Variants in VPS37A observed in about 807,000 individuals in gnomAD.
VPS37A encodes the protein VPS37A subunit of ESCRT-I, also known as vacuolar protein sorting-associated protein 37A.
VPS37A carries 30 observed loss-of-function variants against 49.8 expected under a neutral mutation model. The ratio of observed to expected loss-of-function variants is 0.60; its 90% CI spans 0.45 to 0.82. VPS37A has a LOEUF of 0.82. Among genes scored for constraint, VPS37A ranks in the 40% least tolerant of loss-of-function variants. The pLI, the probability that VPS37A is intolerant of heterozygous loss-of-function variation, is 0.00. For synonymous variants in VPS37A, 195 were observed against 160.6 expected, an observed-to-expected ratio of 1.21 and a Z score of -1.62; for missense variants, 593 against 464.4, an observed-to-expected ratio of 1.28 and a Z score of -2.55.
downstream of VPS37A, among the ~76,000 whole-genome samples, chr8:17,303,854 C>A (rs998945135): frequency 3.3e-5 from 5 of 152,152 alleles, no homozygotes; most frequent in Non-Finnish European, 7.3e-5. Flanking sequence ...GGGTGATCCA[C>A]CCGCCTCGGC....
chr8:17,258,416 G>T (rs1481707495), intron 1 of VPS37A, among the ~76,000 whole-genome samples: 4 of 151,914 alleles, frequency 2.6e-5, no homozygotes, highest in Admixed American at 2.6e-4. Flanking sequence ...TTTGTTCTTG[G>T]TTCTCTTAAT....
rs17687369 is a variant in VPS37A, at chr8:17,267,827, G to A, written c.201-431G>A. Among the ~76,000 whole-genome samples the A allele has an allele frequency of 8.6e-4, 131 of 152,168 alleles. No homozygotes were observed. The East Asian group carries it at 0.023, about 26-fold the overall frequency. ...CAGGCATGCACCACCATGCCCAGCC[G>A]TGACAGCATTCTCAAAGTAGAAAAA... On this transcript the variant is annotated intron_variant, in intron 2 of 11. Coordinates refer to ENST00000324849, the MANE Select transcript of VPS37A (RefSeq NM_152415.3).
downstream of VPS37A, among the ~76,000 whole-genome samples, chr8:17,307,078 A>G (rs1487987704): frequency 6.6e-6 from 1 of 152,228 alleles, no homozygotes; most frequent in Non-Finnish European, 1.5e-5. Context: ...ACAGCAGAAG[A>G]AACTACCATC....
At chr8:17,274,535 T>C (rs1814321331) in intron 4 of VPS37A, among the ~76,000 whole-genome samples, 198 bp from the exon 5 acceptor site, 1 of 144,414 alleles carries the variant, frequency 6.9e-6, no homozygotes, top group South Asian at 2.5e-4. Flanking sequence ...TACAATTCTT[T>C]TTTTTCGGGG....
At chr8:17,313,414 T>C in the VPS37A span, 3 of 1,575,782 alleles carry the variant, frequency 1.9e-6, no homozygotes, top group Non-Finnish European at 2.6e-6. Context: ...GCAAGATAAA[T>C]CATGTTATAA....
chr8:17,283,121 T>C (rs1815243680), intron 9 of VPS37A, among the ~76,000 whole-genome samples: 1 of 152,176 alleles, frequency 6.6e-6, no homozygotes, highest in African/African-American at 2.4e-5. Context: ...CAGTTCATTT[T>C]TATTTATGAG....
chr8:17,270,493 A>G (rs1238149453), intron 4 of VPS37A, among the ~76,000 whole-genome samples: 3 of 152,182 alleles, frequency 2.0e-5, no homozygotes, highest in Admixed American at 1.3e-4. Context: ...TCTGAGGGTC[A>G]GGATCCCAAG....
intron 4 of VPS37A, among the ~76,000 whole-genome samples, chr8:17,274,363 C>G (rs1209618025): frequency 6.6e-6 from 1 of 152,128 alleles, no homozygotes; most frequent in African/African-American, 2.4e-5. Context: ...GAATAAATGT[C>G]CTGGATTAAA....
intron 2 of VPS37A, 109 bp downstream of exon 2, chr8:17,266,090 A>G (rs1585974273): frequency 4.3e-6 from 4 of 924,274 alleles, no homozygotes; most frequent in South Asian, 1.7e-5. Flanking sequence ...TCAAGTAACT[A>G]TAATTTATAA....
the VPS37A span, among the ~76,000 whole-genome samples, chr8:17,318,455 A>C: frequency 2.0e-5 from 3 of 152,140 alleles, no homozygotes; most frequent in Non-Finnish European, 2.9e-5. Flanking sequence ...ATGATAGAAC[A>C]GTCATCTGGA....
chr8:17,255,793 G>C (rs1812395435), intron 1 of VPS37A, among the ~76,000 whole-genome samples: 1 of 152,118 alleles, frequency 6.6e-6, no homozygotes, highest in African/African-American at 2.4e-5. Flanking sequence ...TGCAATGTTT[G>C]TCTTTTTGTG....
chr8:17,280,438 A>G lies in VPS37A; in HGVS notation c.964A>G (p.Ser322Gly), dbSNP rs756272381. The change falls in exon 9 of 12, where the codon AGT (serine) becomes GGT (glycine). Residue 322 changes from serine (S) to glycine (G), a missense_variant. Physicochemically the swap from Ser to Gly is moderately conservative, Grantham distance 56. Transcript: ENST00000324849. ...EKKMQRQHEL[S>G]ESCSASALQA... is the part of the protein sequence containing the mutation. The stretch of plus-strand genomic sequence containing the variant: ...GAAGATGCAAAGGCAGCATGAACTT[A>G]GTGAGGTAAGACTGTTTATTTTTTT... 1.9e-6 allele frequency: 3 copies of G among 1,607,504 alleles called. No homozygotes were observed. The South Asian group carries it at 3.4e-5, about 18-fold the overall frequency.
chr8:17,299,703 G>GA, downstream of VPS37A: 4 of 931,386 alleles, frequency 4.3e-6, no homozygotes, highest in Non-Finnish European at 6.4e-6. Context: ...CAGTATCTAA[G>GA]AAATCAAGAA....
intron 1 of VPS37A, among the ~76,000 whole-genome samples, chr8:17,249,294 C>A (rs1411783119): frequency 2.6e-5 from 4 of 152,086 alleles, no homozygotes; most frequent in African/African-American, 7.2e-5. Context: ...GTAAAGAGTT[C>A]TGGAATTGGC....
chr8:17,289,159 G>A (rs1292971931), intron 11 of VPS37A, among the ~76,000 whole-genome samples: 1 of 152,180 alleles, frequency 6.6e-6, no homozygotes, highest in Admixed American at 6.5e-5. Flanking sequence ...TAGGTGGCCT[G>A]TTGATTCTGA....
chr8:17,322,590 C>T, the VPS37A span, among the ~76,000 whole-genome samples: 3 of 152,122 alleles, frequency 2.0e-5, no homozygotes, highest in Non-Finnish European at 4.4e-5. Flanking sequence ...GAGGCCAAGG[C>T]AGTAGGATTG....
intron 10 of VPS37A, among the ~76,000 whole-genome samples, chr8:17,284,957 C>T (rs1239055013): frequency 2.6e-5 from 4 of 152,050 alleles, no homozygotes; most frequent in East Asian, 1.9e-4. Flanking sequence ...GTACGTGTGG[C>T]TATTTCCTGT....
chr8:17,287,846 G>T (rs747693984), intron 11 of VPS37A, among the ~76,000 whole-genome samples: 1 of 152,112 alleles, frequency 6.6e-6, no homozygotes, highest in East Asian at 1.9e-4. Flanking sequence ...ACTGTAGTCA[G>T]TTTGGCCTGG....
chr8:17,301,373 TTGGACATTC>T (rs1231997811), downstream of VPS37A, among the ~76,000 whole-genome samples: 5 of 152,168 alleles, frequency 3.3e-5, no homozygotes, highest in African/African-American at 1.2e-4. Flanking sequence ...AGATTTAAAC[TTGGACATTC>T]TGGTGATAGC....
Sources: gnomAD v4.1 joint callset for allele counts (sites outside exome capture counted in the v4.1 genomes callset) on GRCh38, gnomAD v4.1.1 for gene constraint, MANE v1.5 for transcripts, NCBI Gene and HGNC (gene_info 2026-07-23, HGNC 2026-07-21) for gene names.